Variants in CCND3 observed in about 807,000 individuals in gnomAD.
The protein encoded by CCND3 is G1/S-specific cyclin-D3.
A neutral mutation model predicts 28.7 loss-of-function variants in CCND3; 9 were observed. The observed-to-expected ratio is 0.31, with a 90% CI of 0.19 to 0.55. The LOEUF (loss-of-function observed/expected upper bound fraction) is 0.55. CCND3 is among the 20% of genes least tolerant of loss of function. The pLI, the probability that CCND3 is intolerant of heterozygous loss-of-function variation, is 0.93. For synonymous variants in CCND3, 164 were observed against 163.9 expected (o/e 1.00, Z 0.00); for missense variants, 315 against 385.8 (o/e 0.82, Z 1.54).
At chr6:41,962,485 C>T (rs543457662) in intron 1 of CCND3, among the ~76,000 whole-genome samples, 12 of 152,172 alleles carry the variant, frequency 7.9e-5, no homozygotes, top group Non-Finnish European at 1.6e-4. Flanking sequence ...GGCACAGTGG[C>T]TTACACCTGT....
intron 1 of CCND3, among the ~76,000 whole-genome samples, chr6:41,952,722 C>T (rs545951532): frequency 6.6e-6 from 1 of 152,284 alleles, no homozygotes; most frequent in East Asian, 1.9e-4. Context: ...AGTGGCAGAG[C>T]TGGGACTCCA....
At chr6:42,019,488 C>CAAAAAAA (rs57466823) in intron 1 of CCND3, among the ~76,000 whole-genome samples, 2 of 84,816 alleles carry the variant, frequency 2.4e-5, no homozygotes, top group Non-Finnish European at 4.6e-5. Flanking sequence ...GACTCTGTCT[C>CAAAAAAA]AAAAAAAAAA....
intron 1 of CCND3, among the ~76,000 whole-genome samples, chr6:42,027,808 C>T (rs1258360309): frequency 1.3e-5 from 2 of 151,830 alleles, no homozygotes; most frequent in African/African-American, 2.4e-5. Flanking sequence ...AGGGCAATGG[C>T]TCAATCTCAG....
Position 41,954,250 on chromosome 6 carries a change from TAA to T in CCND3, c.-45-13667_-45-13666del, listed in dbSNP as rs34556754. Among the ~76,000 whole-genome samples, 154 of 35,128 alleles carry T rather than the reference TAA, an allele frequency of 4.4e-3. 2 individuals carry two copies. The highest frequency in any genetic ancestry group is 0.018 in the African/African-American group (138 of 7,730). 23.0% of individuals were successfully genotyped at this position (35,128 alleles called of 152,430 possible). A position where few individuals can be genotyped will look rare whatever the true frequency, so the allele number is the denominator to read the frequency against. Reference sequence around the variant, plus strand: ...TGGGGTACAGAGCAAGATTCTGCCTTAAAAAAAAAAAAAAAAAAAAAAAAAGG... The same window carrying T: ...TGGGGTACAGAGCAAGATTCTGCCTTAAAAAAAAAAAAAAAAAAAAAAAGG... On this transcript the variant is annotated intron_variant, in intron 1 of 4. Transcript: ENST00000372988.
intron 1 of CCND3, among the ~76,000 whole-genome samples, chr6:42,003,525 CAAAAAAAAAAAAAAAAA>C (rs61494473): frequency 9.4e-4 from 69 of 73,494 alleles, no homozygotes; most frequent in African/African-American, 5.1e-3. Context: ...GACTCTGTCT[CAAAAAAAAAAAAAAAAA>C]AAAAAAAAAA....
intron 1 of CCND3, among the ~76,000 whole-genome samples, chr6:42,038,401 G>A (rs1436151668): frequency 2.0e-5 from 3 of 152,158 alleles, no homozygotes; most frequent in South Asian, 2.1e-4. Flanking sequence ...TTAACTGGGC[G>A]TGGTGGCTTG....
chr6:42,032,230 C>T (rs1308211176), intron 1 of CCND3, among the ~76,000 whole-genome samples: 3 of 152,186 alleles, frequency 2.0e-5, no homozygotes, highest in South Asian at 2.1e-4. Context: ...GGACTGCAGA[C>T]ACATGCCACC....
chr6:41,971,392 G>A (rs565139123), intron 1 of CCND3, among the ~76,000 whole-genome samples: 1 of 152,142 alleles, frequency 6.6e-6, no homozygotes, highest in African/African-American at 2.4e-5. Flanking sequence ...CAGCCTCTGA[G>A]TAGCTGGGAC....
intron 1 of CCND3, among the ~76,000 whole-genome samples, chr6:42,044,973 T>G (rs1764496207): frequency 6.8e-6 from 1 of 148,010 alleles, no homozygotes; most frequent in African/African-American, 2.5e-5. Flanking sequence ...TTTTTTTTTT[T>G]TTTTGTATTT....
chr6:42,040,213 T>C (rs1054586660), intron 1 of CCND3, among the ~76,000 whole-genome samples: 1 of 149,162 alleles, frequency 6.7e-6, no homozygotes, highest in African/African-American at 2.5e-5. Flanking sequence ...AAGTCAGGAG[T>C]TCAAGACCAG....
At chr6:41,947,776 G>A (rs147929970) in intron 1 of CCND3, among the ~76,000 whole-genome samples, 1,609 of 151,958 alleles carry the variant, frequency 0.011, 15 homozygotes, top group Non-Finnish European at 0.016. Context: ...TCTACCCCCC[G>A]GTCCGAGTTG....
chr6:41,994,802 G>T lies in CCND3; in HGVS notation c.-46+53699C>A, dbSNP rs1046338610. Among the ~76,000 whole-genome samples the T allele has an allele frequency of 9.2e-5, 14 of 152,172 alleles. No individual in the cohort carries two copies. The East Asian group carries it at 2.7e-3, about 29-fold the overall frequency. On this transcript the variant is annotated intron_variant, in intron 1 of 4. Transcript: ENST00000372988. ...AAAAAATAAAATATAGGCCGGGCGCGGTGGCTTATGCTTGTAATCTCAGCA... is the reference window on the plus strand; with the variant it reads ...AAAAAATAAAATATAGGCCGGGCGCTGTGGCTTATGCTTGTAATCTCAGCA...
chr6:42,040,337 G>T (rs1764333527), intron 1 of CCND3, among the ~76,000 whole-genome samples: 1 of 152,122 alleles, frequency 6.6e-6, no homozygotes, highest in South Asian at 2.1e-4. Flanking sequence ...AGAATCACTT[G>T]AACCTAGGAG....
At chr6:42,007,768 G>A (rs567265381) in intron 1 of CCND3, among the ~76,000 whole-genome samples, 12 of 152,322 alleles carry the variant, frequency 7.9e-5, no homozygotes, top group South Asian at 6.2e-4. Flanking sequence ...AGCAGCTCAC[G>A]GATGCTGCTT....
rs1238860882 is a variant in CCND3 at position 41,951,575 on chromosome 6, C to CACACAAAA, written c.-45-10991_-45-10990insTTTTGTGT. On this transcript the variant is annotated intron_variant, in intron 1 of 4. Transcript: ENST00000372988. ...ACACACACACACACACACACACACA[C>CACACAAAA]AAAAAAAAAGATTAAGTGGGAGTAA... is the stretch of plus-strand genomic sequence containing the variant. 2.0e-4 allele frequency among the ~76,000 whole-genome samples: 14 copies of CACACAAAA among 70,188 alleles called. No homozygotes were observed. The East Asian group carries it at 2.5e-3, about 12-fold the overall frequency. 46.0% of individuals were successfully genotyped at this position (70,188 alleles called of 152,430 possible).
chr6:41,935,618 G>C lies in CCND3; in HGVS notation c.*322C>G, dbSNP rs892916288. 2.6e-5 allele frequency: 9 copies of C among 346,600 alleles called. No individual in the cohort carries two copies. The highest frequency in any genetic ancestry group is 1.4e-4 in the African/African-American group (3 of 21,718). 21.5% of individuals were successfully genotyped at this position (346,600 alleles called of 1,614,324 possible). A position where few individuals can be genotyped will look rare whatever the true frequency, so the allele number is the denominator to read the frequency against. On this transcript the variant is annotated 3_prime_UTR_variant, in exon 5 of 5. Coordinates refer to ENST00000372991, the MANE Select transcript of CCND3 (RefSeq NM_001760.5). ...TGAAAACATGAGAGCCCCCAGGGGT[G>C]GGGGGGGGCGTTCAAAAGGAATGCT...
At chr6:41,964,071 C>T (rs1453155325) in intron 1 of CCND3, among the ~76,000 whole-genome samples, 1 of 152,196 alleles carries the variant, frequency 6.6e-6, no homozygotes, top group Non-Finnish European at 1.5e-5. Flanking sequence ...AGTATACCCA[C>T]CCCACAGAGT....
Position 41,935,860 on chromosome 6 carries a change from G to C in CCND3, c.*80C>G. 7.6e-7 allele frequency: 1 copy of C among 1,314,984 alleles called. No individual in the cohort carries two copies. The highest frequency in any genetic ancestry group is 1.3e-5 in the South Asian group (1 of 79,996). The allele number at this position is 1,314,984 out of a possible 1,614,324, so 81.5% of individuals were successfully genotyped here. ...AGACGCCCCTTCAGGCTTAGATGTG[G>C]TGTGGTTCCTGGAGGCAGGGAGGTG... is the stretch of plus-strand genomic sequence containing the variant. On this transcript the variant is annotated 3_prime_UTR_variant, in exon 5 of 5. Coordinates refer to ENST00000372991, the MANE Select transcript of CCND3 (RefSeq NM_001760.5).
chr6:42,018,827 G>T (rs905002062), intron 1 of CCND3, among the ~76,000 whole-genome samples: 4 of 150,646 alleles, frequency 2.7e-5, no homozygotes, highest in Non-Finnish European at 5.9e-5. Context: ...GGAGGCAGAG[G>T]TTGTGGTGAG....
Sources: gnomAD v4.1 joint callset for allele counts (sites outside exome capture counted in the v4.1 genomes callset) on GRCh38, gnomAD v4.1.1 for gene constraint, MANE v1.5 for transcripts, NCBI Gene and HGNC (gene_info 2026-07-23, HGNC 2026-07-21) for gene names.